Variants in LRRC4C observed in about 807,000 individuals in gnomAD.
LRRC4C encodes leucine rich repeat containing 4C, also known as leucine-rich repeat-containing protein 4C.
A neutral mutation model predicts 33.6 loss-of-function variants in LRRC4C; 5 were observed. The observed-to-expected ratio is 0.15, with a 90% CI of 0.08 to 0.31. The LOEUF (loss-of-function observed/expected upper bound fraction) is 0.31. Ranked by LOEUF, LRRC4C falls within the 10% of genes least tolerant of loss-of-function variation. The probability of loss-of-function intolerance (pLI) is 1.00; values close to 1 mark genes in which losing one functional copy is unlikely to be tolerated. For synonymous variants in LRRC4C, 329 were observed against 302.0 expected, an observed-to-expected ratio of 1.09 and a Z score of -0.93; for missense variants, 560 against 796.7, an observed-to-expected ratio of 0.70 and a Z score of 3.58.
intron 1 of LRRC4C, among the ~76,000 whole-genome samples, chr11:41,110,165 G>A (rs933764969): frequency 2.0e-5 from 3 of 151,910 alleles, no homozygotes; most frequent in Admixed American, 1.3e-4. Context: ...TTCAATCCTG[G>A]CTCTAGTACA....
intron 1 of LRRC4C, among the ~76,000 whole-genome samples, chr11:41,438,157 C>G (rs1374785282): frequency 1.3e-5 from 2 of 151,602 alleles, no homozygotes; most frequent in Non-Finnish European, 2.9e-5. Context: ...AAAAAGAGAC[C>G]AACAATTTTT....
intron 3 of LRRC4C, among the ~76,000 whole-genome samples, chr11:40,437,077 C>T (rs1195227227): frequency 6.6e-6 from 1 of 152,050 alleles, no homozygotes; most frequent in African/African-American, 2.4e-5. Flanking sequence ...TGGGCTTTAA[C>T]TTTTCTGATA....
intron 3 of LRRC4C, among the ~76,000 whole-genome samples, chr11:40,578,140 GGTTTTTTTTTT>G (rs1285981372): frequency 0.03 from 1,215 of 40,554 alleles, 287 homozygotes; most frequent in South Asian, 0.052. Context: ...TTTTTTTTTC[GGTTTTTTTTTT>G]TTTTTTTTTT....
intron 5 of LRRC4C, among the ~76,000 whole-genome samples, chr11:40,202,598 A>C (rs902564893): frequency 6.6e-6 from 1 of 152,130 alleles, no homozygotes; most frequent in Admixed American, 6.5e-5. Flanking sequence ...TAATTTCCCG[A>C]ATAGGGGAAG....
intron 2 of LRRC4C, among the ~76,000 whole-genome samples, chr11:40,709,720 T>C (rs1268652045): frequency 2.6e-5 from 4 of 152,140 alleles, no homozygotes; most frequent in African/African-American, 9.7e-5. Flanking sequence ...ATTTCCTGAA[T>C]TTGAATGTTG....
chr11:40,313,852 A>T (rs1164786852), intron 4 of LRRC4C, among the ~76,000 whole-genome samples: 2 of 151,848 alleles, frequency 1.3e-5, no homozygotes, highest in Non-Finnish European at 2.9e-5. Context: ...TGACCTCGTG[A>T]TCCGCCTGCC....
At chr11:40,545,057 G>C (rs995076071) in intron 3 of LRRC4C, among the ~76,000 whole-genome samples, 1 of 151,704 alleles carries the variant, frequency 6.6e-6, no homozygotes, top group Non-Finnish European at 1.5e-5. Context: ...TTTCCTTCTG[G>C]CTTTTAAGAC....
chr11:40,936,393 A>G lies in LRRC4C; in HGVS notation c.-495-2670T>C, dbSNP rs185398317. Among the ~76,000 whole-genome samples the G allele has an allele frequency of 1.9e-3, 262 of 138,658 alleles. 2 individuals carry two copies. The highest frequency in any genetic ancestry group is 5.8e-3 in the African/African-American group (213 of 36,476). 91.0% of individuals were successfully genotyped at this position (138,658 alleles called of 152,430 possible). A position where few individuals can be genotyped will look rare whatever the true frequency, so the allele number is the denominator to read the frequency against. On this transcript the variant is annotated intron_variant, in intron 1 of 6. Transcript: ENST00000528697. The stretch of plus-strand genomic sequence containing the variant: ...CACTCTGCTGCCCAGGCTGGAGTGC[A>G]GTGGCGCGATCTCGGCTCACTGCAA...
chr11:40,231,447 A>T (rs1309332535), intron 5 of LRRC4C, among the ~76,000 whole-genome samples: 2 of 137,390 alleles, frequency 1.5e-5, no homozygotes, highest in East Asian at 4.6e-4. Context: ...AGTACATTAA[A>T]TTATCAACAT....
intron 3 of LRRC4C, among the ~76,000 whole-genome samples, chr11:40,634,722 A>AT (rs142606803): frequency 0.13 from 20,066 of 149,846 alleles, 1,533 homozygotes; most frequent in Non-Finnish European, 0.18. Flanking sequence ...TAAGAAAATA[A>AT]AAAAAAAAAA....
At position 40,795,809 on chromosome 11, in the gene LRRC4C, G is replaced by A. The variant is rs545706280; in HGVS notation, c.-407+137826C>T. Among the ~76,000 whole-genome samples, 3 of 152,266 alleles carry A rather than the reference G, an allele frequency of 2.0e-5. No individual in the cohort carries two copies. The East Asian group carries it at 5.8e-4, about 29-fold the overall frequency. ...TGTGGATTATGAAAGACCAAGTTCT[G>A]TAATGTGTAAATTACAGAAGAATAT... On this transcript the variant is annotated intron_variant, in intron 2 of 6. Coordinates refer to ENST00000528697, the MANE Select transcript of LRRC4C (RefSeq NM_001258419.2).
At chr11:40,644,775 C>T (rs143659382) in intron 3 of LRRC4C, among the ~76,000 whole-genome samples, 157 of 152,122 alleles carry the variant, frequency 1.0e-3, no homozygotes, top group Non-Finnish European at 1.6e-3. Context: ...GAGATAGGAA[C>T]GAAGTGGATG....
At chr11:40,476,342 C>CTTTCTTTTTTTTTTTT (rs1555074955) in intron 3 of LRRC4C, among the ~76,000 whole-genome samples, 17 of 81,372 alleles carry the variant, frequency 2.1e-4, no homozygotes, top group Non-Finnish European at 3.2e-4. Context: ...TTTTTTTCTT[C>CTTTCTTTTTTTTTTTT]TTTTTTTTTT....
intron 2 of LRRC4C, among the ~76,000 whole-genome samples, chr11:40,661,014 G>A (rs1486643677): frequency 1.3e-5 from 2 of 152,048 alleles, no homozygotes; most frequent in African/African-American, 4.8e-5. Flanking sequence ...TCTTTTTATT[G>A]CATTTGTGTC....
At chr11:40,163,969 C>A (rs1235302115) in intron 5 of LRRC4C, among the ~76,000 whole-genome samples, 1 of 152,172 alleles carries the variant, frequency 6.6e-6, no homozygotes, top group Non-Finnish European at 1.5e-5. Flanking sequence ...GGAAGTTGCA[C>A]ATATGATAAA....
At chr11:40,985,220 C>T (rs543105047) in intron 1 of LRRC4C, among the ~76,000 whole-genome samples, 1 of 152,100 alleles carries the variant, frequency 6.6e-6, no homozygotes, top group African/African-American at 2.4e-5. Flanking sequence ...GAGATACATG[C>T]TTTTTTCCTC....
At chr11:40,632,735 T>C (rs1218758312) in intron 3 of LRRC4C, among the ~76,000 whole-genome samples, 1 of 151,178 alleles carries the variant, frequency 6.6e-6, no homozygotes, top group Non-Finnish European at 1.5e-5. Context: ...CTTATTTATC[T>C]TTGAATCCAG....
chr11:40,401,237 C>T (rs1292144966), intron 3 of LRRC4C, among the ~76,000 whole-genome samples: 1 of 148,662 alleles, frequency 6.7e-6, no homozygotes, highest in Admixed American at 6.7e-5. Context: ...CAATCTCCCT[C>T]TCTCTCTCTC....
chr11:41,034,640 A>ATATAT (rs1565321331), intron 1 of LRRC4C, among the ~76,000 whole-genome samples: 95 of 119,142 alleles, frequency 8.0e-4, no homozygotes, highest in Non-Finnish European at 1.2e-3. Context: ...TATATATATG[A>ATATAT]GGTGAGAGTT....
Sources: allele counts gnomAD v4.1 joint callset (sites outside exome capture counted in the v4.1 genomes callset), GRCh38; gene constraint gnomAD v4.1.1; transcripts MANE v1.5; gene names NCBI Gene and HGNC (gene_info 2026-07-23, HGNC 2026-07-21).